Variants in COL13A1 observed in about 807,000 individuals in gnomAD.
The protein encoded by COL13A1 is collagen type XIII alpha 1 chain.
In COL13A1, 89 loss-of-function variants were observed where a neutral mutation model predicts 130.9. The observed-to-expected ratio is 0.68, with a 90% CI of 0.57 to 0.81. The LOEUF (loss-of-function observed/expected upper bound fraction) is 0.81, where lower values mean the gene tolerates loss of function less well. Among genes scored for constraint, COL13A1 ranks in the 30% least tolerant of loss-of-function variants. The pLI is 0.00. For missense variants in COL13A1, 879 were observed against 934.6 expected (o/e 0.94, Z 0.78); for synonymous variants, 402 against 341.6 (o/e 1.18, Z -1.95).
At chr10:69,808,209 C>T (rs12357718) in intron 1 of COL13A1, among the ~76,000 whole-genome samples, 13,859 of 152,224 alleles carry the variant, frequency 0.091, 689 homozygotes, top group East Asian at 0.14. Context: ...CCAAAAGCAT[C>T]TCAAACACCA....
chr10:69,930,601 A>C (rs923991504), intron 30 of COL13A1, 49 bp downstream of exon 30: 1 of 1,580,262 alleles, frequency 6.3e-7, no homozygotes, highest in Admixed American at 1.8e-5. Context: ...ACTCCCAAGC[A>C]TGACGCCAGC....
intron 2 of COL13A1, among the ~76,000 whole-genome samples, chr10:69,855,609 G>C (rs893897659): frequency 6.6e-6 from 1 of 152,054 alleles, no homozygotes; most frequent in African/African-American, 2.4e-5. Context: ...AGATATCCAG[G>C]GGTGATTAAG....
At chr10:69,804,672 C>A (rs1464411158) in intron 1 of COL13A1, among the ~76,000 whole-genome samples, 1 of 145,646 alleles carries the variant, frequency 6.9e-6, no homozygotes. Flanking sequence ...TTGGCCTATT[C>A]TCATTCATTC....
intron 2 of COL13A1, among the ~76,000 whole-genome samples, chr10:69,863,291 T>A (rs1187744616): frequency 6.6e-6 from 1 of 151,840 alleles, no homozygotes; most frequent in Non-Finnish European, 1.5e-5. Context: ...GGAGCCAAAT[T>A]CCCCCGAGCT....
intron 34 of COL13A1, among the ~76,000 whole-genome samples, chr10:69,938,627 C>T (rs188756960): frequency 1.4e-3 from 206 of 152,294 alleles, no homozygotes; most frequent in Non-Finnish European, 1.8e-3. Flanking sequence ...CCAGTTCCCA[C>T]CCCAGGTAGC....
intron 17 of COL13A1, among the ~76,000 whole-genome samples, chr10:69,915,171 C>T (rs991937327): frequency 6.6e-6 from 1 of 152,236 alleles, no homozygotes; most frequent in Admixed American, 6.5e-5. Flanking sequence ...GCAAGAATAA[C>T]GTCCACTCCC....
chr10:69,819,060 T>C (rs1032380242), intron 1 of COL13A1, among the ~76,000 whole-genome samples: 1 of 152,262 alleles, frequency 6.6e-6, no homozygotes, highest in African/African-American at 2.4e-5. Context: ...TGATGGACTG[T>C]GACTCATTCT....
chr10:69,901,137 C>G (rs1048102787), intron 14 of COL13A1, among the ~76,000 whole-genome samples: 3 of 152,198 alleles, frequency 2.0e-5, no homozygotes, highest in African/African-American at 7.2e-5. Context: ...TTTCTTGGTT[C>G]AGAAGAAACA....
At chr10:69,897,611 C>T (rs1169466667) in intron 13 of COL13A1, 2 of 1,483,378 alleles carry the variant, frequency 1.3e-6, no homozygotes, top group African/African-American at 1.4e-5. Context: ...TGCACATCCC[C>T]AGGCCCCGGC....
At chr10:69,880,932 C>T (rs1182675627) in intron 7 of COL13A1, among the ~76,000 whole-genome samples, 1 of 152,204 alleles carries the variant, frequency 6.6e-6, no homozygotes, top group African/African-American at 2.4e-5. Flanking sequence ...GGAGCAGATA[C>T]GAGTCCGGGT....
At chr10:69,953,374 T>C (rs1399377331) in intron 39 of COL13A1, among the ~76,000 whole-genome samples, 2 of 152,214 alleles carry the variant, frequency 1.3e-5, no homozygotes, top group African/African-American at 4.8e-5. Flanking sequence ...TCAAGCTGTC[T>C]GAATCCTCAC....
At chr10:69,805,479 C>A (rs1841321344) in intron 1 of COL13A1, among the ~76,000 whole-genome samples, 1 of 151,984 alleles carries the variant, frequency 6.6e-6, no homozygotes, top group Admixed American at 6.5e-5. Flanking sequence ...TTGGGCTGTC[C>A]AATACAGTAA....
Position 69,802,312 on chromosome 10 carries a change from A to G in COL13A1, c.-112A>G, listed in dbSNP as rs1840211827. The G allele has an allele frequency of 1.7e-6, 2 of 1,210,988 alleles. No homozygotes were observed. The highest frequency in any genetic ancestry group is 2.2e-5 in the South Asian group (1 of 45,582). The allele number at this position is 1,210,988 out of a possible 1,614,324, so 75.0% of individuals were successfully genotyped here. ...GGAGCAGCGGAAAGGGACGTTTTCC[A>G]GCGATACAAGCCCTTTCCCCCTGCC... On this transcript the variant is annotated 5_prime_UTR_variant, in exon 1 of 41. Coordinates refer to ENST00000645393, the MANE Select transcript of COL13A1 (RefSeq NM_001368882.1).
chr10:69,847,705 C>A (rs374060339), intron 2 of COL13A1, among the ~76,000 whole-genome samples: 2 of 152,180 alleles, frequency 1.3e-5, no homozygotes, highest in African/African-American at 4.8e-5. Context: ...CGTTTGCTGG[C>A]GGAGGGATTA....
intron 2 of COL13A1, among the ~76,000 whole-genome samples, chr10:69,830,312 A>G (rs1299523040): frequency 1.3e-5 from 2 of 152,240 alleles, no homozygotes; most frequent in Non-Finnish European, 2.9e-5. Context: ...AAGGAAAAGA[A>G]AAGAAAAGCC....
chr10:69,902,924 A>G, intron 15 of COL13A1, 69 bp downstream of exon 15: 1 of 1,250,178 alleles, frequency 8.0e-7, no homozygotes, highest in Non-Finnish European at 1.1e-6. Flanking sequence ...CAAACCTTGA[A>G]TAGGCAGTGG....
chr10:69,833,300 A>G (rs1438019377), intron 2 of COL13A1, among the ~76,000 whole-genome samples: 2 of 152,222 alleles, frequency 1.3e-5, no homozygotes. Context: ...TGGAAGTTAC[A>G]GTAACTAGAT....
chr10:69,824,883 G>A (rs1468989283), intron 2 of COL13A1, among the ~76,000 whole-genome samples: 2 of 152,210 alleles, frequency 1.3e-5, no homozygotes, highest in East Asian at 3.8e-4. Flanking sequence ...CTAAGATGCT[G>A]TTCCGGCCTT....
At chr10:69,907,344 T>C (rs951076698) in intron 17 of COL13A1, among the ~76,000 whole-genome samples, 2 of 152,212 alleles carry the variant, frequency 1.3e-5, no homozygotes, top group African/African-American at 2.4e-5. Context: ...TACCACAGAC[T>C]GGGTCATTTA....
Sources: allele counts gnomAD v4.1 joint callset (sites outside exome capture counted in the v4.1 genomes callset), GRCh38; gene constraint gnomAD v4.1.1; transcripts MANE v1.5; gene names NCBI Gene and HGNC (gene_info 2026-07-23, HGNC 2026-07-21).